The following FBXO24 variants were observed in gnomAD, a reference collection of about 807,000 sequenced individuals.
The protein encoded by FBXO24 is F-box protein 24.
Under a neutral mutation model 63.5 loss-of-function variants are expected in FBXO24, and 30 were observed. That is an observed-to-expected ratio of 0.47 (90% CI 0.35 to 0.64). The LOEUF (loss-of-function observed/expected upper bound fraction) is 0.64, where lower values mean the gene tolerates loss of function less well. Ranked by LOEUF, FBXO24 falls within the 30% of genes least tolerant of loss-of-function variation. The pLI is 0.00. For synonymous variants in FBXO24, 300 were observed against 305.0 expected, an observed-to-expected ratio of 0.98 and a Z score of 0.17; for missense variants, 624 against 763.4, an observed-to-expected ratio of 0.82 and a Z score of 2.15.
chr7:100,592,779 C>T lies in FBXO24; in HGVS notation c.559-4C>T, dbSNP rs919189202. On this transcript the variant is annotated splice_region_variant and splice_polypyrimidine_tract_variant and intron_variant, in intron 4 of 9. Transcript: ENST00000241071. ...ATCCCAGACGCCCTCATCTTTTCCC[C>T]CAGTTTGCCTCGGACCCAAGGTGTG... The T allele has an allele frequency of 6.2e-7, 1 of 1,612,536 alleles. No individual in the cohort carries two copies. The highest frequency in any genetic ancestry group is 1.3e-5 in the African/African-American group (1 of 74,898).
At chr7:100,591,609 A>T (rs747052103) in intron 3 of FBXO24, 58 bp from the exon 4 acceptor site, 110 of 1,533,854 alleles carry the variant, frequency 7.2e-5, no homozygotes, top group Non-Finnish European at 9.6e-5. Flanking sequence ...CCAAGCTCCA[A>T]CTCATCTCCC....
chr7:100,587,282 C>T lies in FBXO24; in HGVS notation c.39+618C>T, dbSNP rs570331338. Among the ~76,000 whole-genome samples the T allele has an allele frequency of 4.6e-5, 7 of 151,950 alleles. No individual in the cohort carries two copies. In the South Asian group the frequency reaches 1.2e-3, roughly 27 times the overall value. ...CCTCTCTTCCTCCCTCCCTCCCTCT[C>T]CCTTCCGTTCCCTTCCTCTTTTTAT... On this transcript the variant is annotated intron_variant, in intron 1 of 9. Transcript: ENST00000241071.
Position 100,590,296 on chromosome 7 carries a change from T to G in FBXO24, c.261T>G (p.Ser87Arg). The G allele has an allele frequency of 6.2e-7, 1 of 1,614,176 alleles. No homozygotes were observed. The highest frequency in any genetic ancestry group is 8.5e-7 in the Non-Finnish European group (1 of 1,180,008). The part of the protein sequence containing the change: ...GVWRRICRRL[S>R]PRLQDQGSGV... ...GGAGACGCATCTGTCGCAGACTCAGTCCGCGCCTCCAAGATCAGGGTTCTG... is the reference window on the plus strand; with the variant it reads ...GGAGACGCATCTGTCGCAGACTCAGGCCGCGCCTCCAAGATCAGGGTTCTG... The change falls in exon 3 of 10, where the codon AGT (serine) becomes AGG (arginine). Residue 87 changes from serine (S) to arginine (R), a missense_variant. Physicochemically the swap from Ser to Arg is moderately radical, Grantham distance 110 (BLOSUM62 -1). Transcript: ENST00000241071.
chr7:100,589,297 C>A, intron 1 of FBXO24: 1 of 791,218 alleles, frequency 1.3e-6, no homozygotes, highest in Non-Finnish European at 1.6e-6. Context: ...AGGCCTTGGC[C>A]TGCTGAAATG....
rs995074413 is a variant in FBXO24 at position 100,594,932 on chromosome 7, G to A, written c.953-170G>A. Among the ~76,000 whole-genome samples the A allele has an allele frequency of 6.6e-6, 1 of 152,132 alleles. No homozygotes were observed. Among genetic ancestry groups the A allele is most frequent in the Non-Finnish European group, 1.5e-5 (1 of 68,012 alleles). On this transcript the variant is annotated intron_variant, in intron 6 of 9. Transcript: ENST00000241071. This position sits in a 1 kb window ranked among gnomAD's most constrained non-coding sequence, Gnocchi z 4.2. ...CCACTTCGCTCCAGCCTGGGTGACC[G>A]AGGGAGACTCGGTCTCAAAAGATGT... is the stretch of plus-strand genomic sequence containing the variant.
intron 3 of FBXO24, among the ~76,000 whole-genome samples, chr7:100,591,344 G>C (rs1401621779): frequency 1.3e-5 from 2 of 152,076 alleles, no homozygotes; most frequent in Non-Finnish European, 2.9e-5. Context: ...CAGGGTGAGG[G>C]GGGTGGATGC....
chr7:100,593,828 T>C (rs1205872369), intron 5 of FBXO24, among the ~76,000 whole-genome samples: 1 of 149,156 alleles, frequency 6.7e-6, no homozygotes, highest in Non-Finnish European at 1.5e-5. Flanking sequence ...AAATCAGATG[T>C]CCCCAGCTTC....
intron 3 of FBXO24, among the ~76,000 whole-genome samples, chr7:100,591,026 CTT>C (rs920180019): frequency 7.4e-6 from 1 of 134,630 alleles, no homozygotes; most frequent in African/African-American, 2.8e-5. Flanking sequence ...CTTTCTTTTT[CTT>C]TGATTTTTTT....
rs752554841 is a variant in FBXO24 at position 100,592,865 on chromosome 7, G to A, written c.641G>A (p.Gly214Asp). 4 of 1,614,034 alleles carry A rather than the reference G, an allele frequency of 2.5e-6. No homozygotes were observed. The East Asian group carries it at 8.9e-5, about 36-fold the overall frequency. The part of the protein sequence containing the change: ...LATREPQEVV[G>D]TTSSRACDCV... ...ACTCGGGAGCCGCAGGAAGTGGTGG[G>A]TACCACCAGCAGCCGGGCCTGTGAC... is the stretch of plus-strand genomic sequence containing the variant. Residue 214 changes from glycine to aspartate, a missense_variant, in exon 5 of 10, where the codon GGT becomes GAT. This residue lies in a region of FBXO24 where 391 missense variants were observed against 469.1 expected (regional missense o/e 0.83). Coordinates refer to ENST00000241071, the MANE Select transcript of FBXO24 (RefSeq NM_033506.3).
In FBXO24 at chr7:100,600,333, C is replaced by T. The variant is rs1388860892; in HGVS notation, c.1377+132C>T. 15 of 1,356,992 alleles carry T rather than the reference C, an allele frequency of 1.1e-5. No homozygotes were observed. The highest frequency in any genetic ancestry group is 1.5e-5 in the Non-Finnish European group (15 of 1,012,888). The allele number at this position is 1,356,992 out of a possible 1,614,324, so 84.1% of individuals were successfully genotyped here. A position where few individuals can be genotyped will look rare whatever the true frequency, so the allele number is the denominator to read the frequency against. On this transcript the variant is annotated intron_variant, in intron 9 of 9. Coordinates refer to ENST00000241071, the MANE Select transcript of FBXO24 (RefSeq NM_033506.3). The surrounding 1 kb of genome is among the most constrained non-coding windows in gnomAD (Gnocchi z 6.3). ...TTCCCTAGCACCACCCCACCTCCCT[C>T]CTCTGCCGCACACCACGCTCTCTGC...
intron 4 of FBXO24, 60 bp downstream of exon 4, chr7:100,591,962 T>C: frequency 1.3e-6 from 2 of 1,534,370 alleles, no homozygotes; most frequent in Non-Finnish European, 1.8e-6. Context: ...TTCACACTGC[T>C]ATAAAGACGT....
rs764270383 is a variant in FBXO24 at position 100,586,343 on chromosome 7, G to A, written c.-283G>A. 21 of 652,728 alleles carry A rather than the reference G, an allele frequency of 3.2e-5. No individual in the cohort carries two copies. The highest frequency in any genetic ancestry group is 1.5e-4 in the African/African-American group (8 of 54,698). 40.4% of individuals were successfully genotyped at this position (652,728 alleles called of 1,614,324 possible). On this transcript the variant is annotated 5_prime_UTR_variant, in exon 1 of 10. Transcript: ENST00000241071. ...GAACAAGGATAGAGCGCTCGCCAACGGCCGACGCTCCAGGCCGTCCCGCCC... is the reference window on the plus strand; with the variant it reads ...GAACAAGGATAGAGCGCTCGCCAACAGCCGACGCTCCAGGCCGTCCCGCCC...
intron 8 of FBXO24, 130 bp from the exon 9 acceptor site, chr7:100,599,901 G>C: frequency 9.6e-7 from 1 of 1,038,088 alleles, no homozygotes; most frequent in South Asian, 1.5e-5. Context: ...CTGGGGCGTG[G>C]GACAGTGCTG....
intron 3 of FBXO24, 116 bp from the exon 4 acceptor site, chr7:100,591,551 T>C: frequency 1.2e-6 from 1 of 857,108 alleles, no homozygotes; most frequent in Non-Finnish European, 1.9e-6. Context: ...TGTTCCCCTG[T>C]CCTGGGGATG....
Position 100,600,435 on chromosome 7 carries a change from G to A in FBXO24, c.1378-99G>A. On this transcript the variant is annotated intron_variant, in intron 9 of 9. Transcript: ENST00000241071. This position sits in a 1 kb window ranked among gnomAD's most constrained non-coding sequence, Gnocchi z 6.3. Reference sequence around the variant, plus strand: ...GACTTAGCCGGCTCAGGGCTGGTGTGAGAGGGAAGAATGCAATAGGCAGAT... The same window carrying A: ...GACTTAGCCGGCTCAGGGCTGGTGTAAGAGGGAAGAATGCAATAGGCAGAT... 6.6e-7 allele frequency: 1 copy of A among 1,513,330 alleles called. No individual in the cohort carries two copies. The highest frequency in any genetic ancestry group is 2.3e-5 in the Admixed American group (1 of 44,134). The allele number at this position is 1,513,330 out of a possible 1,614,324, so 93.7% of individuals were successfully genotyped here. A position where few individuals can be genotyped will look rare whatever the true frequency, so the allele number is the denominator to read the frequency against.
chr7:100,592,203 G>A, intron 4 of FBXO24: 1 of 357,352 alleles, frequency 2.8e-6, no homozygotes, highest in Admixed American at 4.2e-5. Flanking sequence ...AGGCTGCAGT[G>A]AGCTGAGATC....
intron 1 of FBXO24, among the ~76,000 whole-genome samples, chr7:100,587,715 T>A (rs1801824041): frequency 6.6e-6 from 1 of 150,534 alleles, no homozygotes; most frequent in African/African-American, 2.5e-5. Context: ...TCCTCCTGCC[T>A]CAGCCTCCCA....
chr7:100,591,039 T>TTTTTC, intron 3 of FBXO24, among the ~76,000 whole-genome samples: 1 of 142,522 alleles, frequency 7.0e-6, no homozygotes, highest in Non-Finnish European at 1.5e-5. Flanking sequence ...TGATTTTTTT[T>TTTTTC]TTTTTTTTTT....
At chr7:100,586,881 T>C in intron 1 of FBXO24, 1 of 426,694 alleles carries the variant, frequency 2.3e-6, no homozygotes, top group Non-Finnish European at 4.6e-6. Context: ...CTGTGAAGCC[T>C]CTGGCAGGGG....
Sources: gnomAD v4.1 joint callset for allele counts (sites outside exome capture counted in the v4.1 genomes callset) on GRCh38, gnomAD v4.1.1 for gene constraint, gnomAD v4.1.1 regional missense constraint, Gnocchi (gnomAD v3.1) non-coding constraint, MANE v1.5 for transcripts, NCBI Gene and HGNC (gene_info 2026-07-23, HGNC 2026-07-21) for gene names.